POR: variants seen among roughly 807,000 people sequenced by gnomAD.
POR encodes cytochrome p450 oxidoreductase, also known as NADPH--cytochrome P450 reductase.
Under a neutral mutation model 84.0 loss-of-function variants are expected in POR, and 56 were observed. The observed-to-expected ratio is 0.67, with a 90% CI of 0.54 to 0.83. POR has a LOEUF of 0.83. POR is among the 40% of genes least tolerant of loss of function. The pLI is 0.00. For synonymous variants in POR, 414 were observed against 400.5 expected (o/e 1.03, Z -0.40); for missense variants, 938 against 944.3 (o/e 0.99, Z 0.09).
chr7:75,932,413 C>G (rs1807465554), intron 1 of POR, among the ~76,000 whole-genome samples: 3 of 152,114 alleles, frequency 2.0e-5, no homozygotes, highest in Non-Finnish European at 4.4e-5. Flanking sequence ...AACTCCTGAG[C>G]TTAAGCAATC....
chr7:75,962,752 G>A (rs531271340), intron 2 of POR, among the ~76,000 whole-genome samples: 4 of 152,250 alleles, frequency 2.6e-5, no homozygotes, highest in East Asian at 1.9e-4. Context: ...CTCCTCCATC[G>A]GGTAATCAGC....
At chr7:75,915,654 C>T (rs1489125835) in intron 1 of POR, 2 of 152,240 alleles carry the variant, frequency 1.3e-5, no homozygotes, top group East Asian at 3.9e-4. Context: ...CGAATCTAAC[C>T]CTGCAGCATC....
At chr7:75,928,141 T>G (rs1554549770) in intron 1 of POR, among the ~76,000 whole-genome samples, 2 of 152,008 alleles carry the variant, frequency 1.3e-5, no homozygotes, top group African/African-American at 4.8e-5. Flanking sequence ...CAGCTAATTT[T>G]TGTATTTTTA....
chr7:75,940,479 G>GA (rs1230570573), intron 1 of POR, among the ~76,000 whole-genome samples: 97 of 151,196 alleles, frequency 6.4e-4, no homozygotes, highest in Non-Finnish European at 9.0e-4. Flanking sequence ...AGAGACTTTT[G>GA]AAAAAAAACG....
chr7:75,986,161 C>T lies in POR; in HGVS notation c.1818C>T (p.Val606=). The T allele has an allele frequency of 6.2e-7, 1 of 1,610,194 alleles. No individual in the cohort carries two copies. The highest frequency in any genetic ancestry group is 8.5e-7 in the Non-Finnish European group (1 of 1,178,710). Reference sequence around the variant, plus strand: ...CACAGCACCACCCTTGGCCCCAGGTCTACGTCCAGCACCTGCTAAAGCAAG... The same window carrying T: ...CACAGCACCACCCTTGGCCCCAGGTTTACGTCCAGCACCTGCTAAAGCAAG... The change falls in exon 15 of 16, where the codon GTC becomes GTT. Residue 606 remains valine, a splice_region_variant and synonymous_variant. Transcript: ENST00000461988.
At chr7:75,982,902 GCTC>G (rs1438377344) in intron 8 of POR, among the ~76,000 whole-genome samples, 6 of 152,310 alleles carry the variant, frequency 3.9e-5, no homozygotes, top group African/African-American at 1.2e-4. Flanking sequence ...GGGGAGCTGT[GCTC>G]CTCATTTGGG....
At chr7:75,929,349 C>T (rs6467926) in intron 1 of POR, among the ~76,000 whole-genome samples, 10,205 of 152,126 alleles carry the variant, frequency 0.067, 1,086 homozygotes, top group African/African-American at 0.23. Context: ...GCGCAACCTC[C>T]GCCTCCTGGG....
chr7:75,961,623 T>C (rs2116468357), intron 2 of POR, among the ~76,000 whole-genome samples: 1 of 152,338 alleles, frequency 6.6e-6, no homozygotes, highest in Non-Finnish European at 1.5e-5. Context: ...GCCGGTCTTA[T>C]TTCTTTCCGC....
chr7:75,983,362 A>C, intron 8 of POR, 158 bp from the exon 9 acceptor site: 1 of 606,954 alleles, frequency 1.6e-6, no homozygotes, highest in African/African-American at 1.9e-5. Flanking sequence ...AGAGAACTGC[A>C]TTGGACCAGG....
chr7:75,948,356 G>A (rs1167022302), intron 1 of POR, among the ~76,000 whole-genome samples: 1 of 152,244 alleles, frequency 6.6e-6, no homozygotes, highest in African/African-American at 2.4e-5. Flanking sequence ...GCTGGTCGGG[G>A]CTGGGGGGCA....
intron 2 of POR, among the ~76,000 whole-genome samples, chr7:75,956,064 G>A (rs782222996): frequency 3.3e-4 from 50 of 152,144 alleles, no homozygotes; most frequent in Non-Finnish European, 6.6e-4. Context: ...TTGGGAGGCC[G>A]AGGCGGGAGA....
At chr7:75,947,057 C>T (rs1787205334) in intron 1 of POR, 1 of 152,226 alleles carries the variant, frequency 6.6e-6, no homozygotes, top group Non-Finnish European at 1.5e-5. Flanking sequence ...ACGGTTCCAA[C>T]GTGAGATCCT....
At chr7:75,962,842 G>A (rs956726697) in intron 2 of POR, among the ~76,000 whole-genome samples, 3 of 152,154 alleles carry the variant, frequency 2.0e-5, no homozygotes, top group African/African-American at 7.2e-5. Context: ...TGATAGCACC[G>A]TGGGCTGCTG....
chr7:75,984,912 A>T lies in POR; in HGVS notation c.1202A>T (p.Glu401Val). ...GCGCAGTACGCCTCGGAGCCCTCGG[A>T]GCAGGAGCTGCTGCGCAAGATGGCC... The change falls in exon 11 of 16, where the codon GAG (glutamate) becomes GTG (valine). Residue 401 changes from glutamate (E) to valine (V), a missense_variant. Glu to Val is a moderately radical substitution (Grantham distance 121). Coordinates refer to ENST00000461988, the MANE Select transcript of POR (RefSeq NM_000941.3). 6.2e-7 allele frequency: 1 copy of T among 1,608,648 alleles called. No individual in the cohort carries two copies. The highest frequency in any genetic ancestry group is 8.5e-7 in the Non-Finnish European group (1 of 1,176,766).
intron 1 of POR, among the ~76,000 whole-genome samples, chr7:75,953,003 A>C (rs1470393340): frequency 2.0e-5 from 3 of 151,870 alleles, no homozygotes; most frequent in East Asian, 3.9e-4. Flanking sequence ...GCCGAGATCA[A>C]GCCACTGCAC....
At chr7:75,946,585 G>A (rs1343016657) in intron 1 of POR, among the ~76,000 whole-genome samples, 1 of 152,170 alleles carries the variant, frequency 6.6e-6, no homozygotes, top group Non-Finnish European at 1.5e-5. Flanking sequence ...ACTGCACCCA[G>A]CTCTGTACCT....
intron 1 of POR, among the ~76,000 whole-genome samples, chr7:75,950,125 C>T (rs1475771583): frequency 6.6e-6 from 1 of 152,208 alleles, no homozygotes; most frequent in African/African-American, 2.4e-5. Context: ...CCGCCTTGGC[C>T]TCCCAAAGTG....
At chr7:75,915,947 T>G (rs541576667) in intron 1 of POR, among the ~76,000 whole-genome samples, 2 of 152,334 alleles carry the variant, frequency 1.3e-5, no homozygotes, top group South Asian at 4.1e-4. Flanking sequence ...TGGTGACCAC[T>G]AATAAGGAGT....
intron 5 of POR, 30 bp from the exon 6 acceptor site, chr7:75,981,018 G>A (rs1466969597): frequency 1.3e-6 from 2 of 1,541,342 alleles, no homozygotes; most frequent in African/African-American, 2.7e-5. Context: ...TCGAGGGCCA[G>A]GCCTCAGAGC....
Sources: gnomAD v4.1 joint callset for allele counts (sites outside exome capture counted in the v4.1 genomes callset) on GRCh38, gnomAD v4.1.1 for gene constraint, MANE v1.5 for transcripts, NCBI Gene and HGNC (gene_info 2026-07-23, HGNC 2026-07-21) for gene names.